Variants in DDAH1 observed in about 807,000 individuals in gnomAD.
DDAH1 encodes the protein N(G),N(G)-dimethylarginine dimethylaminohydrolase 1.
DDAH1 carries 19 observed loss-of-function variants against 28.8 expected under a neutral mutation model. The ratio of observed to expected loss-of-function variants is 0.66; its 90% CI spans 0.46 to 0.97. The LOEUF is 0.97. Ranked by LOEUF, DDAH1 falls within the 50% of genes least tolerant of loss-of-function variation. DDAH1 has a pLI of 0.00. For missense variants in DDAH1, 326 were observed against 375.9 expected (o/e 0.87, Z 1.10); for synonymous variants, 153 against 154.4 (o/e 0.99, Z 0.07).
At chr1:85,362,373 T>C (rs1649840452) in intron 1 of DDAH1, among the ~76,000 whole-genome samples, 1 of 152,194 alleles carries the variant, frequency 6.6e-6, no homozygotes, top group Non-Finnish European at 1.5e-5. Flanking sequence ...GGAATGATCA[T>C]GGTCACTGAG....
At chr1:85,470,222 C>G (rs1177627569) in intron 2 of DDAH1, among the ~76,000 whole-genome samples, 1 of 152,180 alleles carries the variant, frequency 6.6e-6, no homozygotes, top group African/African-American at 2.4e-5. Flanking sequence ...TATGGACTCA[C>G]AGTTCCATGT....
chr1:85,343,660 C>CTTTAT (rs1648652368), intron 4 of DDAH1, among the ~76,000 whole-genome samples: 1 of 151,998 alleles, frequency 6.6e-6, no homozygotes, highest in East Asian at 1.9e-4. Flanking sequence ...AATGCAAAGT[C>CTTTAT]TTTATTTTTT....
At chr1:85,383,264 C>A (rs1651088533) in intron 1 of DDAH1, among the ~76,000 whole-genome samples, 2 of 152,106 alleles carry the variant, frequency 1.3e-5, no homozygotes, top group African/African-American at 4.8e-5. Flanking sequence ...TTTGGAAGAA[C>A]CTGATTCCAA....
In DDAH1 at chr1:85,370,943, C is replaced by G. The variant is rs186120014; in HGVS notation, c.304-12096G>C. Among the ~76,000 whole-genome samples, 577 of 152,190 alleles carry G rather than the reference C, an allele frequency of 3.8e-3. 3 individuals are homozygous for G. Among genetic ancestry groups the G allele is most frequent in the Middle Eastern group, 6.8e-3 (2 of 294 alleles). ...AAATAAAAATTGGGAGTCAATGATA[C>G]AAAAAGTTACTTAAATCTAAGAGAT... On this transcript the variant is annotated intron_variant, in intron 1 of 5. Coordinates refer to ENST00000284031, the MANE Select transcript of DDAH1 (RefSeq NM_012137.4).
chr1:85,381,111 G>A lies in DDAH1; in HGVS notation c.304-22264C>T, dbSNP rs556009863. Among the ~76,000 whole-genome samples, 5 of 151,486 alleles carry A rather than the reference G, an allele frequency of 3.3e-5. No individual in the cohort carries two copies. In the Middle Eastern group the frequency reaches 0.01, roughly 311 times the overall value. On this transcript the variant is annotated intron_variant, in intron 1 of 5. Transcript: ENST00000284031. ...AAATTAGCCGGGCGTGGTGGTGGGC[G>A]CCTGTAATCCCAGCTACTCGGGTGA...
chr1:85,347,633 G>C (rs1648948166), intron 4 of DDAH1, among the ~76,000 whole-genome samples: 1 of 151,654 alleles, frequency 6.6e-6, no homozygotes, highest in Admixed American at 6.6e-5. Flanking sequence ...GGGGAGGGTG[G>C]AGGGATAGCA....
intron 1 of DDAH1, among the ~76,000 whole-genome samples, chr1:85,395,008 T>C (rs1651741323): frequency 6.6e-6 from 1 of 152,192 alleles, no homozygotes; most frequent in South Asian, 2.1e-4. Flanking sequence ...TTACTAAAAG[T>C]TAAAAATTCT....
chr1:85,386,690 C>T (rs1010752024), intron 1 of DDAH1, among the ~76,000 whole-genome samples: 1 of 152,134 alleles, frequency 6.6e-6, no homozygotes, highest in Non-Finnish European at 1.5e-5. Flanking sequence ...TTAAGCAATA[C>T]CCCAGTGGGG....
chr1:85,337,354 A>G (rs1026482340), intron 4 of DDAH1, among the ~76,000 whole-genome samples: 1 of 152,208 alleles, frequency 6.6e-6, no homozygotes, highest in Non-Finnish European at 1.5e-5. Context: ...ATGAAAAGTT[A>G]AAGTTCTGTT....
intron 1 of DDAH1, among the ~76,000 whole-genome samples, chr1:85,552,990 C>T (rs28642147): frequency 6.6e-6 from 1 of 152,060 alleles, no homozygotes; most frequent in African/African-American, 2.4e-5. Flanking sequence ...AAAAAGAGGG[C>T]TTCCTCCTTG....
At chr1:85,514,962 C>T (rs1657415690) in intron 1 of DDAH1, among the ~76,000 whole-genome samples, 1 of 151,800 alleles carries the variant, frequency 6.6e-6, no homozygotes, top group African/African-American at 2.4e-5. Context: ...AGGTATTGCT[C>T]ATTGCTAGAG....
At chr1:85,428,006 T>A (rs571501830) in intron 1 of DDAH1, among the ~76,000 whole-genome samples, 2 of 152,290 alleles carry the variant, frequency 1.3e-5, no homozygotes, top group Non-Finnish European at 2.9e-5. Flanking sequence ...ATCCCAGTCT[T>A]ATTGGTTATA....
intron 1 of DDAH1, among the ~76,000 whole-genome samples, chr1:85,403,596 T>A (rs543632918): frequency 2.6e-5 from 4 of 152,298 alleles, no homozygotes; most frequent in South Asian, 4.1e-4. Flanking sequence ...TTAGTCAATA[T>A]AACGCTGAAC....
chr1:85,549,504 T>C (rs1658722362), intron 1 of DDAH1, among the ~76,000 whole-genome samples: 1 of 152,228 alleles, frequency 6.6e-6, no homozygotes, highest in South Asian at 2.1e-4. Context: ...TTGTGTTAGA[T>C]GTAGACCATG....
intron 1 of DDAH1, among the ~76,000 whole-genome samples, chr1:85,505,538 G>A (rs148847140): frequency 5.9e-5 from 9 of 152,146 alleles, no homozygotes; most frequent in East Asian, 1.9e-4. Flanking sequence ...TTGATGTCCC[G>A]AGGAGAGAAG....
chr1:85,489,321 G>A (rs1656305681), intron 2 of DDAH1, among the ~76,000 whole-genome samples: 1 of 152,218 alleles, frequency 6.6e-6, no homozygotes. Context: ...AGAGAAGGCA[G>A]AGACAGAGTA....
chr1:85,414,757 C>T (rs953593696), intron 1 of DDAH1, among the ~76,000 whole-genome samples: 3 of 151,916 alleles, frequency 2.0e-5, no homozygotes, highest in African/African-American at 4.8e-5. Context: ...TTTTATTGTT[C>T]TTTGAAAGTG....
At chr1:85,370,893 G>C (rs768477534) in intron 1 of DDAH1, among the ~76,000 whole-genome samples, 2 of 152,152 alleles carry the variant, frequency 1.3e-5, no homozygotes, top group Non-Finnish European at 2.9e-5. Flanking sequence ...CAGATGGAGA[G>C]ATCAAGGGGA....
chr1:85,374,385 G>A (rs1650544269), intron 1 of DDAH1, among the ~76,000 whole-genome samples: 1 of 151,988 alleles, frequency 6.6e-6, no homozygotes, highest in African/African-American at 2.4e-5. Flanking sequence ...CACTTTCTTG[G>A]CTTCCTACCT....
Sources: gnomAD v4.1 joint callset for allele counts (sites outside exome capture counted in the v4.1 genomes callset) on GRCh38, gnomAD v4.1.1 for gene constraint, MANE v1.5 for transcripts, NCBI Gene and HGNC (gene_info 2026-07-23, HGNC 2026-07-21) for gene names.